Variants in FAM210A observed in about 807,000 individuals in gnomAD.
The protein encoded by FAM210A is family with sequence similarity 210 member A.
A neutral mutation model predicts 25.3 loss-of-function variants in FAM210A; 13 were observed. The observed-to-expected ratio is 0.51, with a 90% CI of 0.33 to 0.82. FAM210A has a LOEUF of 0.82. FAM210A is among the 40% of genes least tolerant of loss of function. The probability of loss-of-function intolerance (pLI) is 0.02; values close to 1 mark genes in which losing one functional copy is unlikely to be tolerated. For synonymous variants in FAM210A, 125 were observed against 118.7 expected, an observed-to-expected ratio of 1.05 and a Z score of -0.35; for missense variants, 319 against 323.2, an observed-to-expected ratio of 0.99 and a Z score of 0.10.
intron 1 of FAM210A, among the ~76,000 whole-genome samples, chr18:13,722,445 C>T (rs75691452): frequency 0.012 from 1,781 of 152,202 alleles, 35 homozygotes; most frequent in African/African-American, 0.04. Context: ...AAGGTAACTA[C>T]CTCAAGGGAG....
At chr18:13,712,668 C>T (rs997246403) in intron 1 of FAM210A, among the ~76,000 whole-genome samples, 1 of 152,086 alleles carries the variant, frequency 6.6e-6, no homozygotes, top group Non-Finnish European at 1.5e-5. Context: ...GCAAGTGGGC[C>T]CACACCAAAC....
chr18:13,716,474 G>C (rs1274773357), intron 1 of FAM210A, among the ~76,000 whole-genome samples: 1 of 152,162 alleles, frequency 6.6e-6, no homozygotes. Context: ...ATGGTTTGGG[G>C]ACCTAATTCT....
intron 2 of FAM210A, among the ~76,000 whole-genome samples, chr18:13,680,975 C>T (rs1232429675): frequency 1.3e-5 from 2 of 152,178 alleles, no homozygotes. Flanking sequence ...GAACAAAAGA[C>T]CTTTCCTTGA....
intron 1 of FAM210A, among the ~76,000 whole-genome samples, chr18:13,699,964 C>G (rs1429978773): frequency 6.6e-6 from 1 of 152,312 alleles, no homozygotes; most frequent in East Asian, 1.9e-4. Context: ...TCTCTACTCT[C>G]ACACTCAATG....
chr18:13,710,853 T>C (rs1456319256), intron 1 of FAM210A, among the ~76,000 whole-genome samples: 4 of 152,182 alleles, frequency 2.6e-5, no homozygotes, highest in Admixed American at 2.0e-4. Context: ...GAGTAATAAC[T>C]CTATCTCCTG....
intron 1 of FAM210A, among the ~76,000 whole-genome samples, chr18:13,709,071 A>G (rs1271358096): frequency 1.3e-5 from 2 of 152,242 alleles, no homozygotes; most frequent in East Asian, 3.8e-4. Flanking sequence ...GCTCCGTGAC[A>G]GTCCATGACA....
intron 1 of FAM210A, among the ~76,000 whole-genome samples, chr18:13,714,938 T>C (rs2043848347): frequency 6.6e-6 from 1 of 152,122 alleles, no homozygotes; most frequent in Non-Finnish European, 1.5e-5. Context: ...TTTTTGTCCA[T>C]ATTTTAAGTT....
At chr18:13,716,191 C>A (rs2043860451) in intron 1 of FAM210A, among the ~76,000 whole-genome samples, 1 of 151,998 alleles carries the variant, frequency 6.6e-6, no homozygotes, top group Non-Finnish European at 1.5e-5. Flanking sequence ...TGTCTAGTTA[C>A]AAAAAAGAAC....
chr18:13,713,885 C>A (rs1232747163), intron 1 of FAM210A, among the ~76,000 whole-genome samples: 1 of 152,094 alleles, frequency 6.6e-6, no homozygotes, highest in Non-Finnish European at 1.5e-5. Context: ...CCACACAGCT[C>A]CTGGCCTGAA....
In FAM210A at chr18:13,666,655, T is replaced by C. The variant is rs2043403872; in HGVS notation, c.644A>G (p.Tyr215Cys). The change falls in exon 4 of 4, where the codon TAT becomes TGT. Residue 215 changes from tyrosine (Y) to cysteine (C), a missense_variant. Tyr to Cys is a radical substitution (Grantham distance 194). Coordinates refer to ENST00000651643, the MANE Select transcript of FAM210A (RefSeq NM_152352.4). ...TLGGTSVTVKYLRSHGYMSTP... is the reference protein window; with the variant it reads ...TLGGTSVTVKCLRSHGYMSTP... ...GGACATGTAGCCATGACTGCGCAGA[T>C]ACTTCACAGTGACAGATGTTCCTCC... 5 of 1,614,232 alleles carry C rather than the reference T, an allele frequency of 3.1e-6. No individual in the cohort carries two copies. The highest frequency in any genetic ancestry group is 4.2e-6 in the Non-Finnish European group (5 of 1,180,042).
chr18:13,722,751 T>TA (rs1166065669), intron 1 of FAM210A, among the ~76,000 whole-genome samples: 2 of 152,226 alleles, frequency 1.3e-5, no homozygotes, highest in Non-Finnish European at 2.9e-5. Flanking sequence ...CTACAAGAGA[T>TA]ACGGGTTTCT....
At chr18:13,682,948 T>A (rs982397274) in intron 1 of FAM210A, among the ~76,000 whole-genome samples, 1 of 152,110 alleles carries the variant, frequency 6.6e-6, no homozygotes, top group Non-Finnish European at 1.5e-5. Flanking sequence ...GCTGACACCA[T>A]GGGGAATAAT....
At position 13,671,842 on chromosome 18, in the gene FAM210A, G is replaced by A; in HGVS notation, c.585+20C>T. 1 of 1,515,230 alleles carries A rather than the reference G, an allele frequency of 6.6e-7. No homozygotes were observed. The highest frequency in any genetic ancestry group is 1.1e-5 in the South Asian group (1 of 88,656). The allele number at this position is 1,515,230 out of a possible 1,614,324, so 93.9% of individuals were successfully genotyped here. A position where few individuals can be genotyped will look rare whatever the true frequency, so the allele number is the denominator to read the frequency against. ...CCACCAGTGAGTTCTGAGGAGCAAT[G>A]GGTTTGTTACAGTACCCACCTTAAA... is the stretch of plus-strand genomic sequence containing the variant. On this transcript the variant is annotated intron_variant, in intron 3 of 3. Transcript: ENST00000651643.
At chr18:13,690,105 TATCCCGTGCCTGGCTC>T (rs2043630496) in intron 1 of FAM210A, among the ~76,000 whole-genome samples, 1 of 152,228 alleles carries the variant, frequency 6.6e-6, no homozygotes, top group Admixed American at 6.5e-5. Context: ...CACCAGATTA[TATCCCGTGCCTGGCTC>T]AGAGGGTTGC....
intron 1 of FAM210A, among the ~76,000 whole-genome samples, chr18:13,682,551 C>G (rs1308489914): frequency 1.3e-5 from 2 of 151,918 alleles, no homozygotes; most frequent in African/African-American, 4.8e-5. Context: ...CTGGGTGACA[C>G]AGCAAGACTC....
chr18:13,671,319 C>T (rs2043439995), intron 3 of FAM210A, among the ~76,000 whole-genome samples: 1 of 151,980 alleles, frequency 6.6e-6, no homozygotes, highest in Non-Finnish European at 1.5e-5. Context: ...AAAATAAATG[C>T]TAAATTTTGC....
intron 3 of FAM210A, among the ~76,000 whole-genome samples, chr18:13,671,139 T>TGAATTATTAAAA (rs1438678256): frequency 2.6e-4 from 39 of 151,860 alleles, no homozygotes; most frequent in African/African-American, 9.4e-4. Flanking sequence ...TAAGAAAAGA[T>TGAATTATTAAAA]GAATTATTAA....
At chr18:13,680,452 C>T (rs1786560) in intron 2 of FAM210A, among the ~76,000 whole-genome samples, 135,645 of 152,256 alleles carry the variant, frequency 0.89, 60,520 homozygotes, top group East Asian at 0.95. Context: ...CAAAGTGAAA[C>T]AGAACAGCAT....
At chr18:13,686,480 C>T (rs1176636929) in intron 1 of FAM210A, among the ~76,000 whole-genome samples, 4 of 152,180 alleles carry the variant, frequency 2.6e-5, no homozygotes, top group Admixed American at 1.3e-4. Context: ...CATTCCCTGT[C>T]CCCCACAATT....
Sources: gnomAD v4.1 joint callset for allele counts (sites outside exome capture counted in the v4.1 genomes callset) on GRCh38, gnomAD v4.1.1 for gene constraint, MANE v1.5 for transcripts, NCBI Gene and HGNC (gene_info 2026-07-23, HGNC 2026-07-21) for gene names.